The following CDH22 variants were observed in gnomAD, a reference collection of about 807,000 sequenced individuals.
The protein encoded by CDH22 is cadherin-22.
A neutral mutation model predicts 58.4 loss-of-function variants in CDH22; 30 were observed. That is an observed-to-expected ratio of 0.51 (90% CI 0.38 to 0.70). The LOEUF (loss-of-function observed/expected upper bound fraction) is 0.70. Among genes scored for constraint, CDH22 ranks in the 30% least tolerant of loss-of-function variants. The pLI, the probability that CDH22 is intolerant of heterozygous loss-of-function variation, is 0.00. For synonymous variants in CDH22, 513 were observed against 558.2 expected (o/e 0.92, Z 1.14); for missense variants, 1,014 against 1,233.9 (o/e 0.82, Z 2.67).
chr20:46,304,048 T>A (rs193181198), intron 1 of CDH22, among the ~76,000 whole-genome samples: 44 of 152,074 alleles, frequency 2.9e-4, no homozygotes, highest in African/African-American at 8.2e-4. Flanking sequence ...ATGAAATGAA[T>A]CTGTGGGACT....
intron 1 of CDH22, among the ~76,000 whole-genome samples, chr20:46,263,406 C>G (rs1027790839): frequency 1.3e-5 from 2 of 150,378 alleles, no homozygotes; most frequent in Non-Finnish European, 3.0e-5. Flanking sequence ...GCCTTCCATT[C>G]TGTGTGTGTG....
chr20:46,246,200 G>C (rs751535858), intron 2 of CDH22, among the ~76,000 whole-genome samples: 1 of 152,230 alleles, frequency 6.6e-6, no homozygotes, highest in East Asian at 1.9e-4. Context: ...CAAATAAAAT[G>C]AGTCCAGGAT....
intron 8 of CDH22, among the ~76,000 whole-genome samples, chr20:46,188,809 T>A (rs2085844065): frequency 6.6e-6 from 1 of 152,100 alleles, no homozygotes; most frequent in Admixed American, 6.6e-5. Context: ...GGCTACATGT[T>A]CATTACTGAC....
At chr20:46,184,564 G>A (rs2085811294) in intron 10 of CDH22, among the ~76,000 whole-genome samples, 1 of 152,048 alleles carries the variant, frequency 6.6e-6, no homozygotes, top group African/African-American at 2.4e-5. Context: ...TTTTATTTGT[G>A]TCATTTCTGT....
In CDH22 at chr20:46,291,350, C is replaced by G. The variant is rs139386683; in HGVS notation, c.-400+16905G>C. ...AATAATAGCTAACACTTGCATCGCA[C>G]TTACTCTGTGTCGCTCTAAATGCTT... On this transcript the variant is annotated intron_variant, in intron 1 of 11. Coordinates refer to ENST00000537909, the MANE Select transcript of CDH22 (RefSeq NM_021248.3). 3.6e-3 allele frequency among the ~76,000 whole-genome samples: 555 copies of G among 152,316 alleles called. 7 individuals carry two copies. Among genetic ancestry groups the G allele is most frequent in the Admixed American group, 0.022 (343 of 15,302 alleles).
intron 11 of CDH22, among the ~76,000 whole-genome samples, chr20:46,176,095 C>T (rs1034011974): frequency 1.3e-5 from 2 of 152,132 alleles, no homozygotes; most frequent in Non-Finnish European, 2.9e-5. Context: ...CCTCACTGAT[C>T]ACTCATTCTC....
chr20:46,195,673 A>G (rs1010820491), intron 8 of CDH22, among the ~76,000 whole-genome samples: 3 of 143,118 alleles, frequency 2.1e-5, no homozygotes, highest in Non-Finnish European at 3.0e-5. Flanking sequence ...TTTCCACCGA[A>G]GGATTCAGAC....
Position 46,216,838 on chromosome 20 carries a change from G to A in CDH22, c.826C>T (p.Arg276Cys), listed in dbSNP as rs766648786. Residue 276 changes from arginine to cysteine, a missense_variant, in exon 5 of 12, where the codon CGT becomes TGT. By Grantham distance (180) the Arg-to-Cys change is radical (BLOSUM62 -3). Around this residue, in one of 2 missense-constraint regions of CDH22, gnomAD observed 806 missense variants for 1,038.7 expected, o/e 0.78. Transcript: ENST00000537909. The surrounding 1 kb of genome is among the most constrained non-coding windows in gnomAD (Gnocchi z 5.3). ...VVTDVNDNPP[R>C]FPQKMYQFSI... Reference sequence around the variant, plus strand: ...AGGCCTCACTCACTCTGCGGGAAACGGGGCGGGTTGTCATTGACGTCGGTG... The same window carrying A: ...AGGCCTCACTCACTCTGCGGGAAACAGGGCGGGTTGTCATTGACGTCGGTG... 21 of 1,597,562 alleles carry A rather than the reference G, an allele frequency of 1.3e-5. No homozygotes were observed. The highest frequency in any genetic ancestry group is 1.2e-4 in the Admixed American group (7 of 59,720).
chr20:46,275,524 T>C (rs2425839), intron 1 of CDH22, among the ~76,000 whole-genome samples: 102,931 of 152,024 alleles, frequency 0.68, 35,023 homozygotes, highest in East Asian at 0.76. Flanking sequence ...TTATTTTTTG[T>C]CACCCTCTCT....
Position 46,199,145 on chromosome 20 carries a change from C to A in CDH22, c.1423+278G>T, listed in dbSNP as rs1278013366. Reference sequence around the variant, plus strand: ...GAGAGAAGAAAGCCTAGTTTGAGACCAGCCCTACCCCCTTGACTTGGAACC... The same window carrying A: ...GAGAGAAGAAAGCCTAGTTTGAGACAAGCCCTACCCCCTTGACTTGGAACC... On this transcript the variant is annotated intron_variant, in intron 8 of 11. Transcript: ENST00000537909. 3.4e-4 allele frequency among the ~76,000 whole-genome samples: 51 copies of A among 152,186 alleles called. 1 individual carries two copies. The highest frequency in any genetic ancestry group is 3.2e-3 in the Admixed American group (49 of 15,282).
chr20:46,307,470 G>T (rs1011496577), intron 1 of CDH22, among the ~76,000 whole-genome samples: 2 of 152,216 alleles, frequency 1.3e-5, no homozygotes, highest in Admixed American at 6.5e-5. Flanking sequence ...CTCTTTGGAC[G>T]TTAGGCTGTC....
intron 10 of CDH22, 59 bp downstream of exon 10, chr20:46,186,529 G>T: frequency 8.1e-7 from 1 of 1,232,524 alleles, no homozygotes; most frequent in Non-Finnish European, 1.2e-6. Context: ...CTATAATATG[G>T]GAACAGGGCA....
At chr20:46,212,516 G>A (rs2086050610) in intron 6 of CDH22, among the ~76,000 whole-genome samples, 1 of 152,228 alleles carries the variant, frequency 6.6e-6, no homozygotes, top group Admixed American at 6.5e-5. Flanking sequence ...GTTAGACTCA[G>A]GAAGGAAAGA....
chr20:46,264,891 G>GCACACACACAC (rs1194612782), intron 1 of CDH22, among the ~76,000 whole-genome samples: 1 of 148,050 alleles, frequency 6.8e-6, no homozygotes. Context: ...CACACCGTGC[G>GCACACACACAC]CGCACACACA....
At chr20:46,221,634 A>G (rs1194344087) in intron 4 of CDH22, among the ~76,000 whole-genome samples, 2 of 152,222 alleles carry the variant, frequency 1.3e-5, no homozygotes, top group Non-Finnish European at 2.9e-5. Flanking sequence ...TCCCAGGCGA[A>G]CCCAGGTTCA....
Position 46,300,421 on chromosome 20 carries a change from C to T in CDH22, c.-400+7834G>A, listed in dbSNP as rs567775169. ...TCTGCTTCCCATCCATCAGCCTGCC[C>T]GGGCCCATCCACCTTATGTCCCCCG... On this transcript the variant is annotated intron_variant, in intron 1 of 11. Transcript: ENST00000537909. The surrounding 1 kb of genome is among the most constrained non-coding windows in gnomAD (Gnocchi z 4.4). Among the ~76,000 whole-genome samples the T allele has an allele frequency of 5.3e-5, 8 of 152,284 alleles. No homozygotes were observed. Among genetic ancestry groups the T allele is most frequent in the African/African-American group, 1.4e-4 (6 of 41,550 alleles).
chr20:46,233,667 T>C (rs1053155673), intron 3 of CDH22, among the ~76,000 whole-genome samples: 1 of 152,172 alleles, frequency 6.6e-6, no homozygotes, highest in Non-Finnish European at 1.5e-5. Flanking sequence ...GTTGGATGAT[T>C]TGTTGATGGA....
At chr20:46,261,117 T>C (rs1429741969) in intron 1 of CDH22, among the ~76,000 whole-genome samples, 1 of 152,208 alleles carries the variant, frequency 6.6e-6, no homozygotes, top group East Asian at 1.9e-4. Flanking sequence ...GCTTCCTTTC[T>C]CTGAGCCTCA....
Position 46,250,938 on chromosome 20 carries a change from A to C in CDH22, c.255+102T>G, listed in dbSNP as rs185457620. ...GGCTAGGGAGCAGAAGAGGCACATG[A>C]AACATGGATTTAAAAGGGCAGGTGA... On this transcript the variant is annotated intron_variant, in intron 2 of 11. Transcript: ENST00000537909. 279 of 745,682 alleles carry C rather than the reference A, an allele frequency of 3.7e-4. No individual in the cohort carries two copies. The African/African-American group carries it at 4.5e-3, about 12-fold the overall frequency. 46.2% of individuals were successfully genotyped at this position (745,682 alleles called of 1,614,324 possible).
Sources: gnomAD v4.1 joint callset for allele counts (sites outside exome capture counted in the v4.1 genomes callset) on GRCh38, gnomAD v4.1.1 for gene constraint, gnomAD v4.1.1 regional missense constraint, Gnocchi (gnomAD v3.1) non-coding constraint, MANE v1.5 for transcripts, NCBI Gene and HGNC (gene_info 2026-07-23, HGNC 2026-07-21) for gene names.